BICC1: variants seen among roughly 807,000 people sequenced by gnomAD.
BICC1 encodes protein bicaudal C homolog 1.
Under a neutral mutation model 111.0 loss-of-function variants are expected in BICC1, and 43 were observed. That is an observed-to-expected ratio of 0.39 (90% CI 0.30 to 0.50). BICC1 has a LOEUF of 0.50. Among genes scored for constraint, BICC1 ranks in the 20% least tolerant of loss-of-function variants. The probability of loss-of-function intolerance (pLI) is 0.88; values close to 1 mark genes in which losing one functional copy is unlikely to be tolerated. For missense variants in BICC1, 1,091 were observed against 1,203.2 expected (o/e 0.91, Z 1.38); for synonymous variants, 467 against 434.4 (o/e 1.07, Z -0.93).
chr10:58,608,366 A>T (rs532120309), intron 1 of BICC1, among the ~76,000 whole-genome samples: 1 of 152,092 alleles, frequency 6.6e-6, no homozygotes, highest in African/African-American at 2.4e-5. Context: ...GGCCTGTACC[A>T]TCTGGCTCCT....
intron 2 of BICC1, among the ~76,000 whole-genome samples, chr10:58,672,393 T>G (rs1839211360): frequency 6.6e-6 from 1 of 152,114 alleles, no homozygotes; most frequent in Non-Finnish European, 1.5e-5. Context: ...GGGCACTTAT[T>G]TAGTATGCAG....
intron 3 of BICC1, among the ~76,000 whole-genome samples, chr10:58,771,511 G>A (rs1168131206): frequency 1.3e-5 from 2 of 151,992 alleles, no homozygotes; most frequent in African/African-American, 4.8e-5. Context: ...GCAGTGTCAC[G>A]GGAAACCAGC....
intron 1 of BICC1, among the ~76,000 whole-genome samples, chr10:58,543,636 A>G (rs1361277226): frequency 6.6e-6 from 1 of 151,860 alleles, no homozygotes; most frequent in Non-Finnish European, 1.5e-5. Flanking sequence ...AAGCCTCCCC[A>G]ATAGCTAGGA....
At chr10:58,555,116 G>T (rs1843408156) in intron 1 of BICC1, among the ~76,000 whole-genome samples, 1 of 151,826 alleles carries the variant, frequency 6.6e-6, no homozygotes, top group African/African-American at 2.4e-5. Flanking sequence ...TAGCTGAAAT[G>T]GTTTAGATCT....
intron 3 of BICC1, among the ~76,000 whole-genome samples, chr10:58,721,470 A>G (rs1840938098): frequency 6.6e-6 from 1 of 152,196 alleles, no homozygotes; most frequent in South Asian, 2.1e-4. Flanking sequence ...CTAGTGAAAA[A>G]ATGACTACAG....
chr10:58,805,442 G>A (rs1843682391), intron 15 of BICC1, among the ~76,000 whole-genome samples: 1 of 152,140 alleles, frequency 6.6e-6, no homozygotes, highest in Admixed American at 6.5e-5. Context: ...GTAAATTTAG[G>A]TTCTCCGTAT....
chr10:58,641,037 A>G lies in BICC1; in HGVS notation c.237+20136A>G, dbSNP rs79061994. Among the ~76,000 whole-genome samples, 584 of 152,298 alleles carry G rather than the reference A, an allele frequency of 3.8e-3. 8 individuals carry two copies. The East Asian group carries it at 0.064, about 17-fold the overall frequency. On this transcript the variant is annotated intron_variant, in intron 2 of 20. Transcript: ENST00000373886. ...GAGGATATAATTGTATTTTCTTTCA[A>G]TTGTCTTTATTGGAATTCTTTTACA...
chr10:58,711,662 T>TTA (rs1840577387), intron 3 of BICC1, among the ~76,000 whole-genome samples: 1 of 152,206 alleles, frequency 6.6e-6, no homozygotes, highest in African/African-American at 2.4e-5. Flanking sequence ...GCTTGTTTGC[T>TTA]TATCTTATAA....
Position 58,800,306 on chromosome 10 carries a change from C to T in BICC1, c.1838C>T (p.Pro613Leu), listed in dbSNP as rs149395494. ...IQTSGSEQTS[P>L]KSSPTEGCND... The stretch of plus-strand genomic sequence containing the variant: ...ACAAGTGGGTCTGAGCAGACATCTC[C>T]CAAATCAAGCCCCACTGAAGGTCGG... Residue 613 changes from proline to leucine, a missense_variant, in exon 13 of 21, where the codon CCC (proline) becomes CTC (leucine). Physicochemically the swap from Pro to Leu is moderately conservative, Grantham distance 98. Coordinates refer to ENST00000373886, the MANE Select transcript of BICC1 (RefSeq NM_001080512.3). 5 of 1,613,348 alleles carry T rather than the reference C, an allele frequency of 3.1e-6. No homozygotes were observed. In the African/African-American group the frequency reaches 6.7e-5, roughly 22 times the overall value.
At chr10:58,590,029 A>G (rs577012476) in intron 1 of BICC1, among the ~76,000 whole-genome samples, 6 of 152,078 alleles carry the variant, frequency 3.9e-5, no homozygotes, top group Non-Finnish European at 7.3e-5. Flanking sequence ...CAGGAAATCT[A>G]CAATTTCATT....
chr10:58,714,871 TAAA>T (rs544106801), intron 3 of BICC1, among the ~76,000 whole-genome samples: 23 of 117,596 alleles, frequency 2.0e-4, no homozygotes, highest in Admixed American at 4.4e-4. Flanking sequence ...TCTCATTAGC[TAAA>T]AAAAAAAAAA....
chr10:58,714,921 G>A (rs550753750), intron 3 of BICC1, among the ~76,000 whole-genome samples: 14 of 150,758 alleles, frequency 9.3e-5, no homozygotes, highest in South Asian at 2.1e-4. Flanking sequence ...TATCTGACTC[G>A]ATAATTAGCC....
chr10:58,616,300 A>G (rs1270026775), intron 1 of BICC1, among the ~76,000 whole-genome samples: 2 of 152,216 alleles, frequency 1.3e-5, no homozygotes, highest in African/African-American at 4.8e-5. Flanking sequence ...AACAAGTGAC[A>G]TGCTCAGAGA....
chr10:58,767,519 A>G (rs547036996), intron 3 of BICC1, among the ~76,000 whole-genome samples: 69 of 152,120 alleles, frequency 4.5e-4, no homozygotes, highest in Non-Finnish European at 7.9e-4. Flanking sequence ...TTCACAGAAC[A>G]CACACACGCA....
chr10:58,607,760 A>AG (rs1845277031), intron 1 of BICC1, among the ~76,000 whole-genome samples: 1 of 152,192 alleles, frequency 6.6e-6, no homozygotes, highest in Non-Finnish European at 1.5e-5. Flanking sequence ...CTCACCAGCA[A>AG]GGGAATGACC....
chr10:58,744,914 G>A (rs1270704052), intron 3 of BICC1, among the ~76,000 whole-genome samples: 1 of 152,090 alleles, frequency 6.6e-6, no homozygotes, highest in African/African-American at 2.4e-5. Flanking sequence ...TGAAGTTGAT[G>A]GTCCAGAAGA....
At position 58,798,430 on chromosome 10, in the gene BICC1, C is replaced by T. The variant is rs754391277; in HGVS notation, c.1398C>T (p.Asn466=). ...TGGGACCCACCACCTTATCTCTGAA[C>T]ACTTCAACAACCCCAAACTCACTCT... The part of the protein sequence containing the change: ...GLLGPTTLSL[N]TSTTPNSLLN... Residue 466 remains asparagine (N), a synonymous_variant, in exon 11 of 21, where the codon AAC becomes AAT. Coordinates refer to ENST00000373886, the MANE Select transcript of BICC1 (RefSeq NM_001080512.3). 3.2e-5 allele frequency: 52 copies of T among 1,610,278 alleles called. No individual in the cohort carries two copies. Among genetic ancestry groups the T allele is most frequent in the Admixed American group, 6.7e-5 (4 of 59,286 alleles).
chr10:58,542,168 A>AAAC (rs1554803888), intron 1 of BICC1, among the ~76,000 whole-genome samples: 2 of 129,086 alleles, frequency 1.5e-5, no homozygotes, highest in African/African-American at 7.2e-5. Context: ...AAAAAAAAAC[A>AAAC]AAAAAAAAAA....
chr10:58,632,847 A>G (rs1588951965), intron 2 of BICC1, among the ~76,000 whole-genome samples: 2 of 141,052 alleles, frequency 1.4e-5, no homozygotes, highest in African/African-American at 2.5e-5. Context: ...TTTTACATAG[A>G]TAGATAGATA....
Sources: gnomAD v4.1 joint callset for allele counts (sites outside exome capture counted in the v4.1 genomes callset) on GRCh38, gnomAD v4.1.1 for gene constraint, MANE v1.5 for transcripts, NCBI Gene and HGNC (gene_info 2026-07-23, HGNC 2026-07-21) for gene names.